Variants in OPHN1 observed in about 807,000 individuals in gnomAD.
The protein encoded by OPHN1 is oligophrenin-1.
A neutral mutation model predicts 60.7 loss-of-function variants in OPHN1; 11 were observed. The ratio of observed to expected loss-of-function variants is 0.18; its 90% CI spans 0.11 to 0.30. The LOEUF is 0.30. Ranked by LOEUF, OPHN1 falls within the 10% of genes least tolerant of loss-of-function variation. The probability of loss-of-function intolerance (pLI) is 1.00; values close to 1 mark genes in which losing one functional copy is unlikely to be tolerated. For missense variants in OPHN1, 449 were observed against 611.0 expected (o/e 0.73, Z 2.80); for synonymous variants, 226 against 222.6 (o/e 1.02, Z -0.14).
chrX:68,103,422 T>C lies in OPHN1; in HGVS notation c.1527-6393A>G, dbSNP rs961262565. Among the ~76,000 whole-genome samples, 8 of 112,097 alleles carry C rather than the reference T, an allele frequency of 7.1e-5. No homozygotes were observed. In the East Asian group the frequency reaches 8.4e-4, roughly 12 times the overall value. The stretch of plus-strand genomic sequence containing the variant: ...TATGACAAATCAACAGGCAATATGA[T>C]AGTGAATGGGCAAAAGCTGGAAGCA... On this transcript the variant is annotated intron_variant, in intron 18 of 24. Transcript: ENST00000355520.
chrX:68,431,275 G>C lies in OPHN1; in HGVS notation c.154+1592C>G, dbSNP rs1313132834. ...ATTAAAAGATCAAACACAATCAAAT[G>C]ACCTGCAGGAACTTCGACAGTGTAC... On this transcript the variant is annotated intron_variant, in intron 2 of 24. Coordinates refer to ENST00000355520, the MANE Select transcript of OPHN1 (RefSeq NM_002547.3). Among the ~76,000 whole-genome samples, 7 of 111,794 alleles carry C rather than the reference G, an allele frequency of 6.3e-5. No homozygotes were observed. The South Asian group carries it at 2.6e-3, about 42-fold the overall frequency.
chrX:68,145,745 C>G (rs950635987), intron 15 of OPHN1, among the ~76,000 whole-genome samples: 7 of 111,949 alleles, frequency 6.3e-5, no homozygotes, highest in African/African-American at 2.3e-4. Flanking sequence ...CAGGTTTTTA[C>G]ATTTAATCCA....
chrX:68,212,242 C>T, intron 7 of OPHN1, 30 bp from the exon 8 acceptor site: 1 of 968,351 alleles, frequency 1.0e-6, no homozygotes, highest in South Asian at 2.0e-5. Flanking sequence ...ATAACTTTAT[C>T]ACCAGCATCT....
chrX:68,072,430 G>A, intron 20 of OPHN1, among the ~76,000 whole-genome samples: 1 of 111,832 alleles, frequency 8.9e-6, no homozygotes, highest in Non-Finnish European at 1.9e-5. Flanking sequence ...AGGAAAACCA[G>A]GAGAGAAGAC....
intron 2 of OPHN1, among the ~76,000 whole-genome samples, chrX:68,345,055 T>C (rs765712911): frequency 8.9e-6 from 1 of 112,363 alleles, no homozygotes; most frequent in South Asian, 3.7e-4. Context: ...ATGTGCTAAA[T>C]TTACTACATA....
chrX:68,153,054 T>C (rs1270949775), intron 15 of OPHN1, among the ~76,000 whole-genome samples: 1 of 107,679 alleles, frequency 9.3e-6, no homozygotes, highest in Non-Finnish European at 1.9e-5. Flanking sequence ...CTACTAAAAA[T>C]ACAAAAACCA....
At chrX:68,239,502 CA>C (rs1366437802) in intron 5 of OPHN1, among the ~76,000 whole-genome samples, 2 of 111,548 alleles carry the variant, frequency 1.8e-5, no homozygotes, top group Non-Finnish European at 3.8e-5. Context: ...GAGCCCTAGC[CA>C]GGGACCGGGC....
intron 2 of OPHN1, among the ~76,000 whole-genome samples, chrX:68,361,690 A>G (rs1418450548): frequency 9.0e-6 from 1 of 111,141 alleles, no homozygotes; most frequent in Non-Finnish European, 1.9e-5. Context: ...CTGATTACAA[A>G]TATTGGCTAT....
At chrX:68,191,259 T>C (rs1017874938) in intron 15 of OPHN1, among the ~76,000 whole-genome samples, 1 of 111,417 alleles carries the variant, frequency 9.0e-6, no homozygotes, top group African/African-American at 3.3e-5. Context: ...GACTCCAATA[T>C]TGACTCCCTC....
At chrX:68,379,694 T>G (rs1246650360) in intron 2 of OPHN1, among the ~76,000 whole-genome samples, 25 of 110,259 alleles carry the variant, frequency 2.3e-4, no homozygotes, top group South Asian at 3.9e-4. Context: ...TAATCATGTG[T>G]TTTTTGTCTT....
intron 23 of OPHN1, among the ~76,000 whole-genome samples, chrX:68,050,043 TC>T (rs2076846010): frequency 8.9e-6 from 1 of 112,165 alleles, no homozygotes; most frequent in African/African-American, 3.2e-5. Flanking sequence ...TTTAAAAAGA[TC>T]ATCATTTTCA....
At chrX:68,230,993 T>C (rs1375354825) in intron 6 of OPHN1, among the ~76,000 whole-genome samples, 1 of 110,742 alleles carries the variant, frequency 9.0e-6, no homozygotes, top group Non-Finnish European at 1.9e-5. Flanking sequence ...TTGAAAAAAA[T>C]CAATAAAATT....
intron 15 of OPHN1, among the ~76,000 whole-genome samples, chrX:68,184,201 TA>T (rs908334408): frequency 3.6e-5 from 4 of 110,737 alleles, no homozygotes; most frequent in African/African-American, 1.3e-4. Context: ...ATAATAGTAA[TA>T]AAAAAAATAA....
intron 2 of OPHN1, among the ~76,000 whole-genome samples, chrX:68,396,053 C>T (rs2078681728): frequency 1.8e-5 from 2 of 110,294 alleles, no homozygotes; most frequent in Admixed American, 2.0e-4. Flanking sequence ...CAATAGATTA[C>T]TGGCGGTGGA....
chrX:68,253,178 C>T (rs774787415), intron 5 of OPHN1, among the ~76,000 whole-genome samples: 3 of 111,639 alleles, frequency 2.7e-5, no homozygotes, highest in Admixed American at 9.6e-5. Context: ...CTAGTCTTGG[C>T]TTGTATTAAT....
At chrX:68,330,695 A>G (rs767777139) in intron 2 of OPHN1, among the ~76,000 whole-genome samples, 1 of 109,468 alleles carries the variant, frequency 9.1e-6, no homozygotes, top group South Asian at 3.9e-4. Flanking sequence ...AAAATATCTA[A>G]AATTCGAAAA....
chrX:68,104,988 T>C (rs1208456157), intron 18 of OPHN1, among the ~76,000 whole-genome samples: 1 of 111,789 alleles, frequency 8.9e-6, no homozygotes, highest in Non-Finnish European at 1.9e-5. Context: ...CATCAAAAAG[T>C]GGGCGAGGGA....
intron 15 of OPHN1, among the ~76,000 whole-genome samples, chrX:68,130,518 A>T (rs2077189683): frequency 8.9e-6 from 1 of 111,890 alleles, no homozygotes; most frequent in African/African-American, 3.2e-5. Flanking sequence ...TATTGGAAAA[A>T]TTTGGTATAT....
chrX:68,305,562 G>A (rs773900632), intron 2 of OPHN1, among the ~76,000 whole-genome samples: 21 of 112,366 alleles, frequency 1.9e-4, no homozygotes, highest in Non-Finnish European at 3.9e-4. Flanking sequence ...TTCTGCACAA[G>A]CAGGAAGAGA....
Sources: allele counts gnomAD v4.1 joint callset (sites outside exome capture counted in the v4.1 genomes callset), GRCh38; gene constraint gnomAD v4.1.1; transcripts MANE v1.5; gene names NCBI Gene and HGNC (gene_info 2026-07-23, HGNC 2026-07-21).